The following NEDD4L variants were observed in gnomAD, a reference collection of about 807,000 sequenced individuals.
NEDD4L encodes the protein NEDD4 like E3 ubiquitin protein ligase.
Under a neutral mutation model 148.9 loss-of-function variants are expected in NEDD4L, and 54 were observed. That is an observed-to-expected ratio of 0.36 (90% CI 0.29 to 0.45). NEDD4L has a LOEUF of 0.45. NEDD4L is among the 20% of genes least tolerant of loss of function. NEDD4L has a pLI of 1.00. For missense variants in NEDD4L, 856 were observed against 1,233.8 expected (o/e 0.69, Z 4.59); for synonymous variants, 433 against 440.7 (o/e 0.98, Z 0.22).
intron 5 of NEDD4L, among the ~76,000 whole-genome samples, chr18:58,263,247 C>T (rs72951105): frequency 0.018 from 2,752 of 152,262 alleles, 56 homozygotes; most frequent in South Asian, 0.075. Context: ...GTAAGCAGAG[C>T]AGAGTAAATT....
chr18:58,182,320 A>G (rs146216256), intron 2 of NEDD4L, among the ~76,000 whole-genome samples: 48 of 152,272 alleles, frequency 3.2e-4, no homozygotes, highest in African/African-American at 1.1e-3. Flanking sequence ...AATGTTACAA[A>G]TACCAACAAA....
intron 1 of NEDD4L, among the ~76,000 whole-genome samples, chr18:58,063,100 C>T (rs2082415185): frequency 8.0e-6 from 1 of 124,736 alleles, no homozygotes; most frequent in Non-Finnish European, 1.6e-5. Flanking sequence ...GGCTGGAGTG[C>T]AGTGGCGTTA....
At chr18:58,216,751 G>T (rs2043192649) in intron 2 of NEDD4L, among the ~76,000 whole-genome samples, 1 of 152,196 alleles carries the variant, frequency 6.6e-6, no homozygotes, top group Non-Finnish European at 1.5e-5. Flanking sequence ...GATGTGTGAA[G>T]ATGGTGGTAG....
At chr18:58,138,455 T>C (rs1009899235) in intron 1 of NEDD4L, among the ~76,000 whole-genome samples, 1 of 146,872 alleles carries the variant, frequency 6.8e-6, no homozygotes, top group Admixed American at 6.9e-5. Flanking sequence ...AGGTATGGCC[T>C]GAAAGACAAG....
rs535818292 is a variant in NEDD4L at position 58,188,258 on chromosome 18, G to A, written c.122+22397G>A. Among the ~76,000 whole-genome samples the A allele has an allele frequency of 3.3e-5, 5 of 152,310 alleles. No homozygotes were observed. The South Asian group carries it at 1.0e-3, about 32-fold the overall frequency. ...CTACTGGGAGAAAACGGAGATGAGTGAAAATGTGCATACAGAACATAGGGC... is the reference window on the plus strand; with the variant it reads ...CTACTGGGAGAAAACGGAGATGAGTAAAAATGTGCATACAGAACATAGGGC... On this transcript the variant is annotated intron_variant, in intron 2 of 30. Coordinates refer to ENST00000400345, the MANE Select transcript of NEDD4L (RefSeq NM_001144967.3).
intron 1 of NEDD4L, among the ~76,000 whole-genome samples, chr18:58,087,678 C>A (rs1308085352): frequency 6.6e-6 from 1 of 152,042 alleles, no homozygotes; most frequent in African/African-American, 2.4e-5. Flanking sequence ...AGTTTGAGAC[C>A]ATCCTGACCA....
intron 2 of NEDD4L, among the ~76,000 whole-genome samples, chr18:58,215,407 C>G (rs544756301): frequency 3.3e-5 from 5 of 152,230 alleles, no homozygotes; most frequent in Non-Finnish European, 7.4e-5. Flanking sequence ...ATTTATATTT[C>G]CATTTTTATC....
chr18:58,235,243 C>T (rs2045867031), intron 2 of NEDD4L, among the ~76,000 whole-genome samples: 1 of 152,124 alleles, frequency 6.6e-6, no homozygotes, highest in Admixed American at 6.5e-5. Flanking sequence ...TACATTGACC[C>T]TGTGAGGCCC....
At chr18:58,282,288 C>T (rs941673388) in intron 5 of NEDD4L, among the ~76,000 whole-genome samples, 3 of 151,928 alleles carry the variant, frequency 2.0e-5, no homozygotes, top group African/African-American at 7.3e-5. Flanking sequence ...GCAGTCCTGT[C>T]ACCTCAGAGG....
At chr18:58,352,641 A>T (rs150178032) in intron 18 of NEDD4L, among the ~76,000 whole-genome samples, 15 of 152,332 alleles carry the variant, frequency 9.8e-5, no homozygotes, top group African/African-American at 3.6e-4. Flanking sequence ...CCTGGGCAAC[A>T]GAGGGAGGCT....
At chr18:58,298,017 C>T (rs560781256) in intron 5 of NEDD4L, among the ~76,000 whole-genome samples, 1 of 152,110 alleles carries the variant, frequency 6.6e-6, no homozygotes, top group East Asian at 1.9e-4. Context: ...AGTTTAAATT[C>T]TTGAAGGGAA....
At chr18:58,147,219 T>C (rs2034186570) in intron 1 of NEDD4L, among the ~76,000 whole-genome samples, 1 of 152,206 alleles carries the variant, frequency 6.6e-6, no homozygotes, top group Non-Finnish European at 1.5e-5. Flanking sequence ...GTGTTGGCTC[T>C]GGAACAGGGT....
chr18:58,361,627 C>T (rs2075406), intron 19 of NEDD4L, among the ~76,000 whole-genome samples: 51,079 of 152,006 alleles, frequency 0.34, 9,196 homozygotes, highest in African/African-American at 0.46. Context: ...GTCCCCGTGC[C>T]GGGCATGAGC....
chr18:58,064,820 A>G (rs980448332), intron 1 of NEDD4L, among the ~76,000 whole-genome samples: 2 of 152,188 alleles, frequency 1.3e-5, no homozygotes, highest in African/African-American at 2.4e-5. Context: ...AAGAAGTCAT[A>G]GTCTGGCCAG....
intron 27 of NEDD4L, chr18:58,388,836 T>C: frequency 2.0e-6 from 1 of 506,080 alleles, no homozygotes. Flanking sequence ...TGTGGCATTT[T>C]TATATCCGAT....
chr18:58,142,720 A>T (rs1389284486), intron 1 of NEDD4L, among the ~76,000 whole-genome samples: 1 of 152,232 alleles, frequency 6.6e-6, no homozygotes, highest in Non-Finnish European at 1.5e-5. Context: ...CACATATTTA[A>T]TGAGCATTCA....
At chr18:58,364,055 G>A (rs1340977403) in intron 19 of NEDD4L, among the ~76,000 whole-genome samples, 1 of 152,168 alleles carries the variant, frequency 6.6e-6, no homozygotes, top group Non-Finnish European at 1.5e-5. Flanking sequence ...GCTGTTTTCA[G>A]GGGTGAAAGC....
At chr18:58,214,932 C>G (rs368646306) in intron 2 of NEDD4L, among the ~76,000 whole-genome samples, 30 of 151,874 alleles carry the variant, frequency 2.0e-4, no homozygotes, top group South Asian at 1.0e-3. Context: ...CTTCCTCAGC[C>G]TCCCGAGTAG....
At chr18:58,181,989 G>A in intron 2 of NEDD4L, among the ~76,000 whole-genome samples, 1 of 151,912 alleles carries the variant, frequency 6.6e-6, no homozygotes, top group South Asian at 2.1e-4. Context: ...AGATGACATT[G>A]TTTTTCAGAC....
Sources: gnomAD v4.1 joint callset for allele counts (sites outside exome capture counted in the v4.1 genomes callset) on GRCh38, gnomAD v4.1.1 for gene constraint, MANE v1.5 for transcripts, NCBI Gene and HGNC (gene_info 2026-07-23, HGNC 2026-07-21) for gene names.